Variants in XRCC6 observed in about 807,000 individuals in gnomAD.
XRCC6 encodes DNA repair protein Ku70.
Under a neutral mutation model 65.7 loss-of-function variants are expected in XRCC6, and 5 were observed. The ratio of observed to expected loss-of-function variants is 0.08; its 90% CI spans 0.04 to 0.16. The LOEUF is 0.16. Ranked by LOEUF, XRCC6 falls within the 10% of genes least tolerant of loss-of-function variation. The pLI, the probability that XRCC6 is intolerant of heterozygous loss-of-function variation, is 1.00. For synonymous variants in XRCC6, 270 were observed against 270.6 expected (o/e 1.00, Z 0.02); for missense variants, 447 against 738.1 (o/e 0.61, Z 4.57).
chr22:41,659,930 C>G (rs1340650723), intron 11 of XRCC6, among the ~76,000 whole-genome samples: 1 of 152,224 alleles, frequency 6.6e-6, no homozygotes, highest in Non-Finnish European at 1.5e-5. Context: ...AGGTGATCCA[C>G]CCGCCTCGGC....
intron 11 of XRCC6, 69 bp from the exon 12 acceptor site, chr22:41,661,262 T>C (rs1217781680): frequency 7.3e-7 from 1 of 1,366,074 alleles, no homozygotes; most frequent in Non-Finnish European, 1.0e-6. Flanking sequence ...TCTCAGAGAG[T>C]TCTGGAAGTG....
chr22:41,651,253 ACAC>A (rs1029677303), intron 8 of XRCC6, among the ~76,000 whole-genome samples: 4 of 151,774 alleles, frequency 2.6e-5, no homozygotes, highest in African/African-American at 9.7e-5. Flanking sequence ...AGCTGAGATC[ACAC>A]CACTGCACTC....
intron 6 of XRCC6, among the ~76,000 whole-genome samples, chr22:41,640,308 C>A (rs559160464): frequency 6.6e-6 from 1 of 152,044 alleles, no homozygotes; most frequent in Non-Finnish European, 1.5e-5. Context: ...GCCACCACGC[C>A]GAGCTGATTT....
rs753502266 is a variant in XRCC6, at chr22:41,647,070, C to T, written c.948C>T (p.Thr316=). 6.2e-7 allele frequency: 1 copy of T among 1,613,822 alleles called. No homozygotes were observed. The highest frequency in any genetic ancestry group is 1.3e-5 in the African/African-American group (1 of 74,888). ...STGGLLLPSD[T]KRSQIYGSRQ... ...GCGGTTTGCTTCTGCCTAGCGATAC[C>T]AAGAGGTCTCAGGTAGGTAGAGATG... Residue 316 remains threonine (T), a synonymous_variant, in exon 7 of 13, where the codon ACC becomes ACT. Transcript: ENST00000360079.
rs765300985 is a variant in XRCC6 at position 41,656,937 on chromosome 22, T to C, written c.1326T>C (p.Asp442=). The part of the protein sequence containing the change: ...FQLVFLPFAD[D]KRKMPFTEKI... ...TGGTCTTTTTACCCTTTGCTGATGA[T>C]AAAAGGAAGATGCCCTTTACTGAAA... is the stretch of plus-strand genomic sequence containing the variant. Residue 442 remains aspartate (D), a synonymous_variant, in exon 10 of 13, where the codon GAT becomes GAC. Transcript: ENST00000360079. The C allele has an allele frequency of 1.4e-5, 23 of 1,613,542 alleles. No individual in the cohort carries two copies. Among genetic ancestry groups the C allele is most frequent in the Non-Finnish European group, 1.9e-5 (23 of 1,179,906 alleles).
At chr22:41,638,795 AAAAG>A (rs1427189157) in intron 6 of XRCC6, among the ~76,000 whole-genome samples, 20 of 151,952 alleles carry the variant, frequency 1.3e-4, no homozygotes, top group African/African-American at 4.3e-4. Context: ...AAAAAAAAAA[AAAAG>A]AAATATGGTA....
intron 2 of XRCC6, among the ~76,000 whole-genome samples, chr22:41,623,553 A>G (rs1003532350): frequency 1.3e-5 from 2 of 151,088 alleles, no homozygotes; most frequent in Non-Finnish European, 2.9e-5. Flanking sequence ...ACGCCCGGCC[A>G]GTTTTTTGTA....
rs1168992420 is a variant in XRCC6 at position 41,658,340 on chromosome 22, G to A, written c.1510G>A (p.Val504Met). Residue 504 changes from valine (V) to methionine (M), a missense_variant, in exon 11 of 13, where the codon GTG becomes ATG. Coordinates refer to ENST00000360079, the MANE Select transcript of XRCC6 (RefSeq NM_001469.5). Reference protein sequence around the residue: ...ALDLMEPEQAVDLTLPKVEAM... With the variant: ...ALDLMEPEQAMDLTLPKVEAM... Reference sequence around the variant, plus strand: ...GGATTTGATGGAGCCGGAACAAGCAGTGGACCTGACATGTAAGGAGGTTGA... The same window carrying A: ...GGATTTGATGGAGCCGGAACAAGCAATGGACCTGACATGTAAGGAGGTTGA... The A allele has an allele frequency of 6.2e-7, 1 of 1,614,164 alleles. No individual in the cohort carries two copies. Among genetic ancestry groups the A allele is most frequent in the East Asian group, 2.2e-5 (1 of 44,874 alleles).
chr22:41,631,774 G>C (rs1450067607), intron 3 of XRCC6, among the ~76,000 whole-genome samples: 2 of 152,026 alleles, frequency 1.3e-5, no homozygotes, highest in Admixed American at 6.6e-5. Flanking sequence ...GGCCAAGGCA[G>C]GCGGCTGGGA....
At chr22:41,645,843 T>C (rs1212431898) in intron 6 of XRCC6, among the ~76,000 whole-genome samples, 1 of 151,594 alleles carries the variant, frequency 6.6e-6, no homozygotes, top group East Asian at 1.9e-4. Flanking sequence ...TTATAGACTG[T>C]GCGTGCGCCA....
intron 6 of XRCC6, among the ~76,000 whole-genome samples, chr22:41,645,530 G>T (rs1215326575): frequency 1.3e-5 from 2 of 151,958 alleles, no homozygotes; most frequent in Non-Finnish European, 2.9e-5. Flanking sequence ...CTTCTCCAGG[G>T]TCAGATATGC....
At chr22:41,663,294 T>C (rs999004402) in intron 12 of XRCC6, among the ~76,000 whole-genome samples, 1 of 151,958 alleles carries the variant, frequency 6.6e-6, no homozygotes, top group African/African-American at 2.4e-5. Context: ...AGAGCCAGGG[T>C]CTCACTGTAT....
intron 7 of XRCC6, 49 bp downstream of exon 7, chr22:41,647,131 T>C (rs2067940300): frequency 7.5e-6 from 12 of 1,593,990 alleles, no homozygotes; most frequent in Non-Finnish European, 1.0e-5. Flanking sequence ...CAGGGTCTCA[T>C]TGTGTCGCCC....
chr22:41,628,986 A>AG (rs1265392002), intron 3 of XRCC6, among the ~76,000 whole-genome samples: 1 of 151,456 alleles, frequency 6.6e-6, no homozygotes, highest in East Asian at 1.9e-4. Context: ...AAAAAAAAAA[A>AG]AAACAATTCT....
intron 3 of XRCC6, among the ~76,000 whole-genome samples, chr22:41,631,998 C>T (rs947066414): frequency 6.6e-5 from 10 of 152,250 alleles, no homozygotes; most frequent in South Asian, 2.1e-4. Context: ...CGTGGCGGCA[C>T]GCGCCTGCAA....
intron 2 of XRCC6, among the ~76,000 whole-genome samples, chr22:41,623,737 T>C (rs540162141): frequency 1.3e-5 from 2 of 151,580 alleles, no homozygotes; most frequent in East Asian, 2.0e-4. Flanking sequence ...TATTTATTTA[T>C]TGAGACAGAG....
intron 2 of XRCC6, among the ~76,000 whole-genome samples, chr22:41,622,904 C>T (rs1435198240): frequency 2.0e-5 from 3 of 150,928 alleles, no homozygotes; most frequent in Non-Finnish European, 4.4e-5. Context: ...GAGATGGCGC[C>T]ACTGCATTCC....
At chr22:41,661,550 T>A in intron 12 of XRCC6, 106 bp downstream of exon 12, 1 of 957,576 alleles carries the variant, frequency 1.0e-6, no homozygotes. Flanking sequence ...CACAGTCTAG[T>A]TAAAATGGCT....
intron 11 of XRCC6, among the ~76,000 whole-genome samples, chr22:41,658,589 C>T (rs1569098507): frequency 2.6e-5 from 4 of 152,142 alleles, no homozygotes; most frequent in African/African-American, 4.8e-5. Context: ...TGCACTAGGC[C>T]GCCCTGTGAC....
Sources: gnomAD v4.1 joint callset for allele counts (sites outside exome capture counted in the v4.1 genomes callset) on GRCh38, gnomAD v4.1.1 for gene constraint, MANE v1.5 for transcripts, NCBI Gene and HGNC (gene_info 2026-07-23, HGNC 2026-07-21) for gene names.